XRCC4: variants seen among roughly 807,000 people sequenced by gnomAD.
XRCC4 encodes DNA repair protein XRCC4.
XRCC4 carries 28 observed loss-of-function variants against 39.1 expected under a neutral mutation model. The ratio of observed to expected loss-of-function variants is 0.72; its 90% CI spans 0.53 to 0.98. XRCC4 has a LOEUF of 0.98. XRCC4 is among the 50% of genes least tolerant of loss of function. The pLI, the probability that XRCC4 is intolerant of heterozygous loss-of-function variation, is 0.00. For missense variants in XRCC4, 350 were observed against 376.4 expected, an observed-to-expected ratio of 0.93 and a Z score of 0.58; for synonymous variants, 123 against 126.4, an observed-to-expected ratio of 0.97 and a Z score of 0.18.
At chr5:83,112,369 A>G (rs1272180098) in intron 3 of XRCC4, among the ~76,000 whole-genome samples, 1 of 152,198 alleles carries the variant, frequency 6.6e-6, no homozygotes, top group African/African-American at 2.4e-5. Flanking sequence ...CCAAATTGGG[A>G]TTAATGCCAT....
In XRCC4 at chr5:83,353,219, G is replaced by GA. The variant is rs1482319852; in HGVS notation, c.984dup (p.Asp329ArgfsTer4). Reference sequence around the variant, plus strand: ...AGAAACTCTGAGAAACAGCAGCCCAGAAGACCTCTTTGATGAGATTTAACA... The same window carrying GA: ...AGAAACTCTGAGAAACAGCAGCCCAGAAAGACCTCTTTGATGAGATTTAACA... On this transcript the variant is annotated frameshift_variant, in exon 8 of 8. Transcript: ENST00000396027. LOFTEE classifies it high-confidence loss of function. 1 of 1,610,748 alleles carries GA rather than the reference G, an allele frequency of 6.2e-7. No homozygotes were observed. Among genetic ancestry groups the GA allele is most frequent in the Non-Finnish European group, 8.5e-7 (1 of 1,178,532 alleles).
intron 3 of XRCC4, among the ~76,000 whole-genome samples, chr5:83,148,244 C>T (rs1382579800): frequency 1.3e-5 from 2 of 152,134 alleles, no homozygotes; most frequent in Non-Finnish European, 2.9e-5. Context: ...GTATCTGATA[C>T]ACAGTAGGTG....
At chr5:83,288,533 A>G (rs1469334907) in intron 7 of XRCC4, among the ~76,000 whole-genome samples, 1 of 151,762 alleles carries the variant, frequency 6.6e-6, no homozygotes, top group African/African-American at 2.4e-5. Context: ...CTCCTTCACT[A>G]TTGAAGGATA....
At chr5:83,110,833 A>T (rs1746406618) in intron 2 of XRCC4, among the ~76,000 whole-genome samples, 195 bp from the exon 3 acceptor site, 1 of 152,088 alleles carries the variant, frequency 6.6e-6, no homozygotes, top group Admixed American at 6.5e-5. Flanking sequence ...GTGAGTCTAA[A>T]TTAATGCATT....
At chr5:83,119,117 T>G (rs968720781) in intron 3 of XRCC4, among the ~76,000 whole-genome samples, 1 of 152,188 alleles carries the variant, frequency 6.6e-6, no homozygotes, top group Non-Finnish European at 1.5e-5. Context: ...AGAGTTCTTT[T>G]TAAAAACAGC....
chr5:83,171,935 G>C (rs1306592580), intron 3 of XRCC4, among the ~76,000 whole-genome samples: 1 of 152,090 alleles, frequency 6.6e-6, no homozygotes, highest in Non-Finnish European at 1.5e-5. Context: ...CTGACGTATT[G>C]ATTTTATGTG....
At chr5:83,267,315 C>A (rs1753990726) in intron 7 of XRCC4, among the ~76,000 whole-genome samples, 2 of 152,080 alleles carry the variant, frequency 1.3e-5, no homozygotes, top group Non-Finnish European at 2.9e-5. Context: ...TCTAATTGAA[C>A]CCCATCCACA....
chr5:83,205,488 G>A (rs1751386351), intron 6 of XRCC4, among the ~76,000 whole-genome samples: 1 of 152,066 alleles, frequency 6.6e-6, no homozygotes, highest in Non-Finnish European at 1.5e-5. Flanking sequence ...AAACCCATGA[G>A]TTATTTTTTA....
Position 83,350,843 on chromosome 5 carries a change from G to A in XRCC4, c.894-2288G>A, listed in dbSNP as rs1446483468. Among the ~76,000 whole-genome samples the A allele has an allele frequency of 2.6e-5, 4 of 152,206 alleles. 1 individual carries two copies. Among genetic ancestry groups the A allele is most frequent in the South Asian group, 4.1e-4 (2 of 4,822 alleles). The stretch of plus-strand genomic sequence containing the variant: ...ACTTGGCCAAAAATTCTTTGCCAAG[G>A]ACAGTGTTGAGAAGGGTATTTCCTA... On this transcript the variant is annotated intron_variant, in intron 7 of 7. Transcript: ENST00000396027.
chr5:83,264,728 C>T (rs535998433), intron 7 of XRCC4, among the ~76,000 whole-genome samples: 6 of 150,084 alleles, frequency 4.0e-5, no homozygotes, highest in Admixed American at 1.4e-4. Flanking sequence ...CTGTAACCCA[C>T]AACTTTTTTT....
chr5:83,148,796 A>G (rs932688343), intron 3 of XRCC4, among the ~76,000 whole-genome samples: 1 of 152,034 alleles, frequency 6.6e-6, no homozygotes, highest in Non-Finnish European at 1.5e-5. Context: ...TACTTAGGAC[A>G]TCAATAATGA....
intron 6 of XRCC4, among the ~76,000 whole-genome samples, chr5:83,211,560 T>A (rs1236545000): frequency 6.6e-6 from 1 of 152,140 alleles, no homozygotes; most frequent in Non-Finnish European, 1.5e-5. Flanking sequence ...ATAATACATA[T>A]CTTCATAGGA....
chr5:83,085,056 T>G (rs1745120284), intron 1 of XRCC4, among the ~76,000 whole-genome samples: 1 of 152,222 alleles, frequency 6.6e-6, no homozygotes, highest in Non-Finnish European at 1.5e-5. Flanking sequence ...TCCATAGCTT[T>G]GCTAATCCTA....
the XRCC4 span, among the ~76,000 whole-genome samples, chr5:83,359,711 T>C: frequency 6.6e-6 from 1 of 152,182 alleles, no homozygotes; most frequent in Admixed American, 6.6e-5. Flanking sequence ...AGAGAAGATT[T>C]CAATTAATTT....
intron 1 of XRCC4, among the ~76,000 whole-genome samples, chr5:83,093,244 G>T (rs1480637757): frequency 6.6e-6 from 1 of 152,132 alleles, no homozygotes; most frequent in East Asian, 1.9e-4. Context: ...TGATAAAGTA[G>T]TCAGTTTGCC....
intron 7 of XRCC4, among the ~76,000 whole-genome samples, chr5:83,349,420 AG>A (rs773595893): frequency 9.9e-5 from 15 of 152,192 alleles, no homozygotes; most frequent in Non-Finnish European, 1.9e-4. Context: ...CTTTTTTAAG[AG>A]TTGTGGAGAG....
intron 4 of XRCC4, 63 bp from the exon 5 acceptor site, chr5:83,203,489 C>T (rs1751292390): frequency 7.5e-7 from 1 of 1,335,362 alleles, no homozygotes; most frequent in African/African-American, 1.5e-5. Flanking sequence ...GATTATTAGG[C>T]TGAATTATGT....
intron 7 of XRCC4, among the ~76,000 whole-genome samples, chr5:83,305,962 T>TGC (rs1281587917): frequency 6.6e-6 from 1 of 152,206 alleles, no homozygotes; most frequent in Non-Finnish European, 1.5e-5. Flanking sequence ...CCAAAGATGT[T>TGC]ACATTTTGAT....
chr5:83,191,104 G>A (rs1750672458), intron 3 of XRCC4, among the ~76,000 whole-genome samples: 1 of 152,124 alleles, frequency 6.6e-6, no homozygotes, highest in Non-Finnish European at 1.5e-5. Context: ...AGAAAAGAGG[G>A]TCCCAGATCT....
Sources: allele counts gnomAD v4.1 joint callset (sites outside exome capture counted in the v4.1 genomes callset), GRCh38; gene constraint gnomAD v4.1.1; transcripts MANE v1.5; gene names NCBI Gene and HGNC (gene_info 2026-07-23, HGNC 2026-07-21).